Variants in ATP13A4 observed in about 807,000 individuals in gnomAD.
The protein encoded by ATP13A4 is ATPase 13A4.
A neutral mutation model predicts 142.5 loss-of-function variants in ATP13A4; 114 were observed. That is an observed-to-expected ratio of 0.80 (90% CI 0.69 to 0.93). The LOEUF (loss-of-function observed/expected upper bound fraction) is 0.93. Among genes scored for constraint, ATP13A4 ranks in the 40% least tolerant of loss-of-function variants. The pLI, the probability that ATP13A4 is intolerant of heterozygous loss-of-function variation, is 0.00. For synonymous variants in ATP13A4, 488 were observed against 514.8 expected (o/e 0.95, Z 0.70); for missense variants, 1,392 against 1,454.0 (o/e 0.96, Z 0.69).
intron 8 of ATP13A4, among the ~76,000 whole-genome samples, chr3:193,483,560 G>C (rs1391745538): frequency 6.6e-6 from 1 of 152,148 alleles, no homozygotes; most frequent in South Asian, 2.1e-4. Context: ...CGCCTCCCGG[G>C]TTCATGCCAT....
intron 8 of ATP13A4, among the ~76,000 whole-genome samples, chr3:193,480,174 T>C (rs1409535617): frequency 2.6e-5 from 4 of 152,052 alleles, no homozygotes; most frequent in Non-Finnish European, 5.9e-5. Context: ...AAGATAGCAT[T>C]AGAAAAACTC....
At chr3:193,586,530 AATT>A (rs1423555481) in intron 1 of ATP13A4, among the ~76,000 whole-genome samples, 1 of 152,218 alleles carries the variant, frequency 6.6e-6, no homozygotes, top group Non-Finnish European at 1.5e-5. Flanking sequence ...GTATGGTATA[AATT>A]TATACTAAAT....
intron 1 of ATP13A4, among the ~76,000 whole-genome samples, chr3:193,527,137 C>T (rs1380721584): frequency 6.6e-6 from 1 of 152,172 alleles, no homozygotes; most frequent in Non-Finnish European, 1.5e-5. Context: ...AATCTAAACT[C>T]CGCTGCTATT....
chr3:193,547,385 A>G (rs867132902), intron 1 of ATP13A4, among the ~76,000 whole-genome samples: 2 of 152,190 alleles, frequency 1.3e-5, no homozygotes, highest in Non-Finnish European at 2.9e-5. Flanking sequence ...TTCTGACCAA[A>G]TCCAGCTCCA....
rs1230759154 is a variant in ATP13A4, at chr3:193,582,730, A to T, written n.92-824T>A. On this transcript the variant is annotated intron_variant and non_coding_transcript_variant, in intron 1 of 3. Transcript: ENST00000489140. ...AATATATATGTATATTACATATATAAAATATATATGTATAATACATATATA... is the reference window on the plus strand; with the variant it reads ...AATATATATGTATATTACATATATATAATATATATGTATAATACATATATA... Among the ~76,000 whole-genome samples the T allele has an allele frequency of 2.0e-4, 9 of 44,442 alleles. 1 individual carries two copies. Among genetic ancestry groups the T allele is most frequent in the Admixed American group, 3.5e-4 (1 of 2,856 alleles). The allele number at this position is 44,442 out of a possible 152,430, so 29.2% of individuals were successfully genotyped here.
intron 1 of ATP13A4, among the ~76,000 whole-genome samples, chr3:193,518,090 G>T (rs1577043931): frequency 6.6e-6 from 1 of 152,112 alleles, no homozygotes; most frequent in African/African-American, 2.4e-5. Flanking sequence ...TAAAAATTAA[G>T]ATTTCTACTT....
intron 17 of ATP13A4, among the ~76,000 whole-genome samples, chr3:193,452,071 T>A (rs1382078290): frequency 6.6e-6 from 1 of 152,170 alleles, no homozygotes; most frequent in Non-Finnish European, 1.5e-5. Context: ...TGCTCATGTG[T>A]CTCCACAGTA....
At chr3:193,567,183 T>G (rs997916679) in intron 2 of ATP13A4, among the ~76,000 whole-genome samples, 3 of 152,108 alleles carry the variant, frequency 2.0e-5, no homozygotes, top group Admixed American at 1.3e-4. Context: ...TAATTAAATA[T>G]TAAATGAAAA....
chr3:193,577,618 A>G (rs1012501830), intron 2 of ATP13A4, among the ~76,000 whole-genome samples: 2 of 152,208 alleles, frequency 1.3e-5, no homozygotes, highest in African/African-American at 4.8e-5. Flanking sequence ...TTTTGCTGAA[A>G]ACTTTTTATT....
In ATP13A4 at chr3:193,414,438, T is replaced by C. The variant is rs908768097; in HGVS notation, c.3014+141A>G. On this transcript the variant is annotated intron_variant, in intron 26 of 29. Transcript: ENST00000342695. ...AAATCATGCTACAGAGAAGAAATAA[T>C]CACTGAAAATTTGCCCAAGGGACTT... 3.4e-5 allele frequency: 27 copies of C among 784,596 alleles called. No individual in the cohort carries two copies. The African/African-American group carries it at 3.8e-4, about 11-fold the overall frequency. The allele number at this position is 784,596 out of a possible 1,614,324, so 48.6% of individuals were successfully genotyped here. A position where few individuals can be genotyped will look rare whatever the true frequency, so the allele number is the denominator to read the frequency against.
chr3:193,585,269 A>C (rs1724645922), intron 1 of ATP13A4, among the ~76,000 whole-genome samples: 2 of 152,030 alleles, frequency 1.3e-5, no homozygotes, highest in South Asian at 2.1e-4. Flanking sequence ...AATACAAAAA[A>C]ATTAGCTGGG....
chr3:193,458,972 C>T (rs1717792249), intron 14 of ATP13A4, 109 bp downstream of exon 14: 1 of 1,484,432 alleles, frequency 6.7e-7, no homozygotes, highest in Non-Finnish European at 9.4e-7. Flanking sequence ...ACCAAATGTA[C>T]TCCACATTGG....
Position 193,457,386 on chromosome 3 carries a change from G to C in ATP13A4, c.1754C>G (p.Ala585Gly). ...HAMVVKPCRT[A>G]SQVPVEGIAI... Reference sequence around the variant, plus strand: ...AGAGCAAGCAGGGCTTACCTGGCTGGCTGTTCTGCAGGGCTTAACTACCAT... The same window carrying C: ...AGAGCAAGCAGGGCTTACCTGGCTGCCTGTTCTGCAGGGCTTAACTACCAT... The change falls in exon 15 of 30, where the codon GCC becomes GGC. Residue 585 changes from alanine (A) to glycine (G), a missense_variant. Ala to Gly is a moderately conservative substitution (Grantham distance 60, BLOSUM62 0). Transcript: ENST00000342695. The C allele has an allele frequency of 1.2e-6, 2 of 1,614,182 alleles. No individual in the cohort carries two copies. The highest frequency in any genetic ancestry group is 1.7e-6 in the Non-Finnish European group (2 of 1,180,000).
At chr3:193,567,177 T>C (rs1285760220) in intron 2 of ATP13A4, among the ~76,000 whole-genome samples, 1 of 151,972 alleles carries the variant, frequency 6.6e-6, no homozygotes, top group African/African-American at 2.4e-5. Context: ...AAATGATAAT[T>C]AAATATTAAA....
At position 193,447,460 on chromosome 3, in the gene ATP13A4, G is replaced by T. The variant is rs529535728; in HGVS notation, c.2152+746C>A. ...ATGCGTGCTTTGATGGGGAAATAAT[G>T]TATCTTCGTGACATAAATGATAGAG... On this transcript the variant is annotated intron_variant, in intron 18 of 29. Coordinates refer to ENST00000342695, the MANE Select transcript of ATP13A4 (RefSeq NM_032279.4). Among the ~76,000 whole-genome samples, 3 of 152,260 alleles carry T rather than the reference G, an allele frequency of 2.0e-5. No homozygotes were observed. The South Asian group carries it at 6.2e-4, about 32-fold the overall frequency.
intron 25 of ATP13A4, among the ~76,000 whole-genome samples, chr3:193,426,702 G>C (rs750912227): frequency 6.6e-6 from 1 of 151,796 alleles, no homozygotes; most frequent in Non-Finnish European, 1.5e-5. Flanking sequence ...ATACATCTAT[G>C]GCCAACTGAT....
At chr3:193,574,952 C>T (rs763951636) in intron 2 of ATP13A4, among the ~76,000 whole-genome samples, 1 of 152,146 alleles carries the variant, frequency 6.6e-6, no homozygotes, top group Non-Finnish European at 1.5e-5. Context: ...ACTACTCTGA[C>T]CAGTAGAATA....
At chr3:193,477,607 G>GA (rs1431624097) in intron 8 of ATP13A4, among the ~76,000 whole-genome samples, 1 of 152,104 alleles carries the variant, frequency 6.6e-6, no homozygotes, top group East Asian at 1.9e-4. Flanking sequence ...ATCAAACAAC[G>GA]AAAGAGATGG....
intron 3 of ATP13A4, among the ~76,000 whole-genome samples, chr3:193,497,368 C>A (rs952854593): frequency 5.9e-5 from 9 of 152,076 alleles, no homozygotes; most frequent in Admixed American, 4.6e-4. Context: ...CCACAGTGAG[C>A]TATCACCTCA....
Sources: gnomAD v4.1 joint callset for allele counts (sites outside exome capture counted in the v4.1 genomes callset) on GRCh38, gnomAD v4.1.1 for gene constraint, MANE v1.5 for transcripts, NCBI Gene and HGNC (gene_info 2026-07-23, HGNC 2026-07-21) for gene names.